Variants in PTPN22 observed in about 807,000 individuals in gnomAD.
PTPN22 encodes the protein tyrosine-protein phosphatase non-receptor type 22.
In PTPN22, 85 loss-of-function variants were observed where a neutral mutation model predicts 103.3. The observed-to-expected ratio is 0.82, with a 90% CI of 0.69 to 0.99. PTPN22 has a LOEUF of 0.99. PTPN22 is among the 50% of genes least tolerant of loss of function. PTPN22 has a pLI of 0.00. For synonymous variants in PTPN22, 323 were observed against 310.2 expected (o/e 1.04, Z -0.43); for missense variants, 865 against 936.9 (o/e 0.92, Z 1.00).
chr1:113,850,230 AAGGAAGGAAGGAAGG>A (rs1558043437), intron 10 of PTPN22, among the ~76,000 whole-genome samples: 1 of 146,072 alleles, frequency 6.8e-6, no homozygotes, highest in African/African-American at 2.6e-5. Flanking sequence ...GGAAGGAAGG[AAGGAAGGAAGGAAGG>A]AAGGAAGGAA....
chr1:113,819,358 A>G (rs1014229608), intron 20 of PTPN22: 7 of 284,562 alleles, frequency 2.5e-5, no homozygotes, highest in Non-Finnish European at 4.5e-5. Context: ...TAATTTGGTT[A>G]CCTAGCTTTA....
intron 19 of PTPN22, 42 bp from the exon 20 acceptor site, chr1:113,819,696 A>C: frequency 7.4e-7 from 1 of 1,359,748 alleles, no homozygotes; most frequent in African/African-American, 1.4e-5. Flanking sequence ...GACTAAAGAC[A>C]GACTCAGATG....
At chr1:113,839,355 T>G (rs1019538535) in intron 11 of PTPN22, among the ~76,000 whole-genome samples, 5 of 150,572 alleles carry the variant, frequency 3.3e-5, no homozygotes, top group African/African-American at 1.2e-4. Flanking sequence ...GCTGGGACAC[T>G]ACAGGTGTGT....
chr1:113,863,193 A>G (rs568100821), intron 1 of PTPN22, among the ~76,000 whole-genome samples: 34 of 152,278 alleles, frequency 2.2e-4, no homozygotes, highest in Non-Finnish European at 3.2e-4. Flanking sequence ...CCCAGGTTCA[A>G]GTGATCCTCC....
chr1:113,841,118 A>G (rs1663505479), intron 11 of PTPN22, among the ~76,000 whole-genome samples: 1 of 152,026 alleles, frequency 6.6e-6, no homozygotes, highest in Non-Finnish European at 1.5e-5. Flanking sequence ...CAGCTACTCA[A>G]GAGGCTGAGG....
chr1:113,849,966 C>G (rs1664416658), intron 10 of PTPN22, among the ~76,000 whole-genome samples: 1 of 151,908 alleles, frequency 6.6e-6, no homozygotes, highest in Non-Finnish European at 1.5e-5. Context: ...GAGGCCGAGG[C>G]AGGCAGATCA....
chr1:113,827,575 A>G (rs1662198590), intron 18 of PTPN22, among the ~76,000 whole-genome samples: 1 of 152,202 alleles, frequency 6.6e-6, no homozygotes, highest in Non-Finnish European at 1.5e-5. Flanking sequence ...TCCCCTAACA[A>G]TTAACACTAT....
At chr1:113,834,173 T>C (rs1558026787) in intron 15 of PTPN22, 136 bp downstream of exon 15, 1 of 958,720 alleles carries the variant, frequency 1.0e-6, no homozygotes, top group African/African-American at 1.7e-5. Flanking sequence ...ATCCTTTTTA[T>C]CCCAACATCC....
intron 9 of PTPN22, among the ~76,000 whole-genome samples, chr1:113,853,248 G>A (rs1664721832): frequency 6.6e-6 from 1 of 151,844 alleles, no homozygotes; most frequent in Non-Finnish European, 1.5e-5. Context: ...AAGTTTGCTT[G>A]GTTTTGATTA....
intron 9 of PTPN22, among the ~76,000 whole-genome samples, chr1:113,853,646 G>A (rs1211045562): frequency 1.3e-5 from 2 of 151,434 alleles, no homozygotes; most frequent in Non-Finnish European, 2.9e-5. Flanking sequence ...ACCATGCCCG[G>A]CCAAAAATTT....
At chr1:113,828,341 ACT>A in intron 18 of PTPN22, among the ~76,000 whole-genome samples, 1 of 150,060 alleles carries the variant, frequency 6.7e-6, no homozygotes, top group African/African-American at 2.5e-5. Flanking sequence ...GTTGTAAAAG[ACT>A]CTTTCCAAGT....
At chr1:113,866,387 T>G (rs1231127112) in intron 1 of PTPN22, among the ~76,000 whole-genome samples, 1 of 152,092 alleles carries the variant, frequency 6.6e-6, no homozygotes, top group Non-Finnish European at 1.5e-5. Context: ...GGCACACTCC[T>G]GTAGTCCCAG....
At chr1:113,832,248 C>T (rs922371112) in intron 16 of PTPN22, among the ~76,000 whole-genome samples, 4 of 151,854 alleles carry the variant, frequency 2.6e-5, no homozygotes, top group African/African-American at 9.7e-5. Flanking sequence ...TGTGCAGTGG[C>T]GCAATCTCAG....
At chr1:113,871,061 A>C (rs1006200278) in intron 1 of PTPN22, among the ~76,000 whole-genome samples, 4 of 152,066 alleles carry the variant, frequency 2.6e-5, no homozygotes, top group Non-Finnish European at 5.9e-5. Context: ...ACAACAAAAA[A>C]AACTGTGGCA....
chr1:113,833,461 A>G (rs977436299), intron 15 of PTPN22, among the ~76,000 whole-genome samples: 27 of 152,344 alleles, frequency 1.8e-4, no homozygotes, highest in African/African-American at 6.5e-4. Context: ...ACATTGGAAG[A>G]GTGACTGTTC....
chr1:113,824,836 T>C (rs1321721990), intron 19 of PTPN22, among the ~76,000 whole-genome samples: 2 of 152,052 alleles, frequency 1.3e-5, no homozygotes, highest in Non-Finnish European at 2.9e-5. Flanking sequence ...CCATCTCTGC[T>C]ATTAAAATAA....
intron 11 of PTPN22, among the ~76,000 whole-genome samples, chr1:113,846,077 G>A (rs1215964828): frequency 6.6e-6 from 1 of 152,104 alleles, no homozygotes; most frequent in East Asian, 1.9e-4. Flanking sequence ...TGCCAGTCTG[G>A]CAATTCACTC....
At chr1:113,834,967 T>C in exon 14 of PTPN22, 4 of 1,570,424 alleles carry the variant, frequency 2.5e-6, no homozygotes, top group Non-Finnish European at 3.4e-6. Flanking sequence ...GGAGGGGGGA[T>C]TTCATCATCT....
chr1:113,825,036 C>G, intron 19 of PTPN22, 106 bp downstream of exon 19: 1 of 667,708 alleles, frequency 1.5e-6, no homozygotes. Context: ...TATGGAGGCT[C>G]TGTTTAGGAA....
Sources: allele counts gnomAD v4.1 joint callset (sites outside exome capture counted in the v4.1 genomes callset), GRCh38; gene constraint gnomAD v4.1.1; transcripts MANE v1.5; gene names NCBI Gene and HGNC (gene_info 2026-07-23, HGNC 2026-07-21).